Variants in MICB observed in about 807,000 individuals in gnomAD.
The protein encoded by MICB is MHC class I polypeptide-related sequence B.
Under a neutral mutation model 34.3 loss-of-function variants are expected in MICB, and 27 were observed. That is an observed-to-expected ratio of 0.79 (90% CI 0.58 to 1.08). The LOEUF (loss-of-function observed/expected upper bound fraction) is 1.08. Among genes scored for constraint, MICB ranks in the 50% least tolerant of loss-of-function variants. The pLI is 0.00. For missense variants in MICB, 426 were observed against 483.1 expected (o/e 0.88, Z 1.11); for synonymous variants, 153 against 187.4 (o/e 0.82, Z 1.50).
At chr6:31,504,254 C>CTTTTTTT (rs9281513) in intron 1 of MICB, among the ~76,000 whole-genome samples, 637 of 60,232 alleles carry the variant, frequency 0.011, 28 homozygotes, top group East Asian at 0.012. Context: ...CTCTCTTTTT[C>CTTTTTTT]TTTTTTTTTT....
At position 31,505,819 on chromosome 6, in the gene MICB, G is replaced by A; in HGVS notation, c.273G>A (p.Glu91=). The A allele has an allele frequency of 6.2e-7, 1 of 1,612,964 alleles. No homozygotes were observed. Among genetic ancestry groups the A allele is most frequent in the Non-Finnish European group, 8.5e-7 (1 of 1,179,852 alleles). Residue 91 remains glutamate (E), a synonymous_variant, in exon 2 of 6, where the codon GAG becomes GAA. Transcript: ENST00000252229. ...ACACAGAGACCGAGGACTTGACAGA[G>A]AATGGGCAAGACCTCAGGAGGACCC... ...TWDTETEDLT[E]NGQDLRRTLT...
rs1765256088 is a variant in MICB, at chr6:31,505,543, C to G, written c.71-74C>G. The G allele has an allele frequency of 1.9e-6, 3 of 1,582,916 alleles. No individual in the cohort carries two copies. In the African/African-American group the frequency reaches 4.0e-5, roughly 21 times the overall value. ...TGCCTCCTCAGGGAGGTCGGGACAG[C>G]AGACCTGTGTGTTAAACATCAATGT... On this transcript the variant is annotated intron_variant, in intron 1 of 5. Coordinates refer to ENST00000252229, the MANE Select transcript of MICB (RefSeq NM_005931.5).
rs1219467543 is a variant in MICB at position 31,507,203 on chromosome 6, G to A, written c.795G>A (p.Gln265=). 1 of 1,614,122 alleles carries A rather than the reference G, an allele frequency of 6.2e-7. No homozygotes were observed. The highest frequency in any genetic ancestry group is 2.2e-5 in the East Asian group (1 of 44,866). Residue 265 remains glutamine (Q), a synonymous_variant, in exon 4 of 6, where the codon CAG becomes CAA. Transcript: ENST00000252229. The surrounding 1 kb of genome is among the most constrained non-coding windows in gnomAD (Gnocchi z 6.0). The part of the protein sequence containing the change: ...DVLPDGNGTY[Q]TWVATRIRQG... ...TGCCTGATGGGAATGGAACCTACCA[G>A]ACCTGGGTGGCCACCAGGATTCGCC... is the stretch of plus-strand genomic sequence containing the variant.
At chr6:31,505,072 C>T (rs1321477278) in intron 1 of MICB, among the ~76,000 whole-genome samples, 2 of 152,104 alleles carry the variant, frequency 1.3e-5, no homozygotes, top group Non-Finnish European at 2.9e-5. Flanking sequence ...ATACTGACCC[C>T]ACTATAAACT....
Position 31,506,412 on chromosome 6 carries a change from G to A in MICB, c.595G>A (p.Val199Met). The A allele has an allele frequency of 2.5e-6, 4 of 1,614,060 alleles. No homozygotes were observed. The highest frequency in any genetic ancestry group is 2.5e-6 in the Non-Finnish European group (3 of 1,179,962). ...QKLQRYLKSG[V>M]AIRRTVPPMV... is the part of the protein sequence containing the mutation. ...ACTACAGCGATATCTGAAATCCGGG[G>A]TGGCCATCAGGAGAACAGGTACCGA... The change falls in exon 3 of 6, where the codon GTG (valine) becomes ATG (methionine). Residue 199 changes from valine (V) to methionine (M), a missense_variant. Transcript: ENST00000252229.
At chr6:31,495,631 T>G (rs2516409), upstream of MICB, among the ~76,000 whole-genome samples, 22,676 of 151,854 alleles carry the variant, frequency 0.15, 1,888 homozygotes, top group Admixed American at 0.24. Flanking sequence ...CAGGGATAGT[T>G]GAACTTAAAA....
At chr6:31,498,491 A>G (rs1440286574) in intron 1 of MICB, among the ~76,000 whole-genome samples, 1 of 104,720 alleles carries the variant, frequency 9.5e-6, no homozygotes, top group African/African-American at 3.8e-5. Flanking sequence ...TTTCTTTCTG[A>G]GACGGAGTCT....
At chr6:31,501,039 C>T (rs556857683) in intron 1 of MICB, among the ~76,000 whole-genome samples, 5 of 152,276 alleles carry the variant, frequency 3.3e-5, no homozygotes, top group South Asian at 4.2e-4. Flanking sequence ...TACTAGTTTA[C>T]GTTCCCACCA....
In MICB at chr6:31,498,170, T is replaced by A; in HGVS notation, c.-24T>A. 1.3e-6 allele frequency: 2 copies of A among 1,570,728 alleles called. No homozygotes were observed. The highest frequency in any genetic ancestry group is 1.7e-6 in the Non-Finnish European group (2 of 1,155,582). On this transcript the variant is annotated 5_prime_UTR_variant, in exon 1 of 6. Transcript: ENST00000252229. ...ATTCAGTTGGCCACTGCTGAGCAGC[T>A]GAGAAGGTGGCGACGTAGGGGCCAT...
upstream of MICB, among the ~76,000 whole-genome samples, chr6:31,496,468 C>T (rs764290064): frequency 2.6e-4 from 39 of 150,248 alleles, no homozygotes; most frequent in Middle Eastern, 6.9e-3. Context: ...CCGGGTTGAC[C>T]CCATTCTCCT....
Position 31,505,747 on chromosome 6 carries a change from GC to G in MICB, c.205del (p.Gln69ArgfsTer21), listed in dbSNP as rs45459705. The G allele has an allele frequency of 5.0e-4, 806 of 1,613,206 alleles. No homozygotes were observed. The highest frequency in any genetic ancestry group is 2.6e-3 in the Middle Eastern group (16 of 6,062). ...RYDRQKRRAK[P>X]QGQWAENVLG... is the part of the protein sequence containing the mutation. ...ATGACAGGCAGAAACGCAGGGCAAA[GC>G]CCCAGGGACAGTGGGCAGAAAATGT... On this transcript the variant is annotated frameshift_variant, in exon 2 of 6. Transcript: ENST00000252229. LOFTEE classifies it high-confidence loss of function.
intron 1 of MICB, among the ~76,000 whole-genome samples, chr6:31,503,994 G>T (rs939592332): frequency 1.0e-5 from 1 of 95,436 alleles, no homozygotes; most frequent in African/African-American, 4.5e-5. Context: ...TGTGATAATA[G>T]CCACCCTGAT....
At position 31,506,408 on chromosome 6, in the gene MICB, C is replaced by T. The variant is rs773259148; in HGVS notation, c.591C>T (p.Ser197=). Residue 197 remains serine (S), a synonymous_variant, in exon 3 of 6, where the codon TCC becomes TCT. Coordinates refer to ENST00000252229, the MANE Select transcript of MICB (RefSeq NM_005931.5). The part of the protein sequence containing the change: ...CLQKLQRYLK[S]GVAIRRTVPP... ...AGAAACTACAGCGATATCTGAAATC[C>T]GGGGTGGCCATCAGGAGAACAGGTA... The T allele has an allele frequency of 3.0e-5, 49 of 1,613,868 alleles. No homozygotes were observed. The Admixed American group carries it at 6.3e-4, about 21-fold the overall frequency.
intron 1 of MICB, among the ~76,000 whole-genome samples, chr6:31,505,027 T>C (rs1198869813): frequency 6.6e-6 from 1 of 152,136 alleles, no homozygotes; most frequent in African/African-American, 2.4e-5. Flanking sequence ...CTCTTCCACT[T>C]TGGACCCAAG....
intron 1 of MICB, 33 bp downstream of exon 1, chr6:31,498,296 C>T (rs774456363): frequency 6.6e-5 from 99 of 1,505,832 alleles, no homozygotes; most frequent in Non-Finnish European, 8.6e-5. Context: ...CCCGGCGGAG[C>T]GGGAGCGGCG....
intron 1 of MICB, among the ~76,000 whole-genome samples, chr6:31,498,480 T>C (rs1764812046): frequency 2.9e-5 from 2 of 69,686 alleles, no homozygotes; most frequent in Admixed American, 1.7e-4. Flanking sequence ...TTTTTTTTTT[T>C]TTTCTTTCTG....
upstream of MICB, chr6:31,497,987 C>G (rs1764758835): frequency 3.0e-6 from 1 of 338,706 alleles, no homozygotes; most frequent in Non-Finnish European, 5.5e-6. Context: ...CTAAATTTCC[C>G]CAGGTCTCCA....
In MICB at chr6:31,505,686, C is replaced by T; in HGVS notation, c.140C>T (p.Ala47Val). ...GGATCTGTGCAGTCAGGGTTTCTCG[C>T]TGAGGGACATCTGGATGGTCAGCCC... The part of the protein sequence containing the change: ...QDGSVQSGFL[A>V]EGHLDGQPFL... The change falls in exon 2 of 6, where the codon GCT becomes GTT. Residue 47 changes from alanine (A) to valine (V), a missense_variant. Physicochemically the swap from Ala to Val is moderately conservative, Grantham distance 64 (BLOSUM62 0). Transcript: ENST00000252229. The T allele has an allele frequency of 1.2e-6, 2 of 1,613,016 alleles. No individual in the cohort carries two copies. Among genetic ancestry groups the T allele is most frequent in the Non-Finnish European group, 1.7e-6 (2 of 1,180,006 alleles).
chr6:31,507,606 C>G lies in MICB; in HGVS notation c.1024+75C>G. 1 of 1,568,460 alleles carries G rather than the reference C, an allele frequency of 6.4e-7. No homozygotes were observed. The highest frequency in any genetic ancestry group is 2.2e-5 in the East Asian group (1 of 44,666). Reference sequence around the variant, plus strand: ...GTAGGGTCTCCTCATTGCTCCTGCCCAGACAAGACGTAGGTGACAAGGCTG... The same window carrying G: ...GTAGGGTCTCCTCATTGCTCCTGCCGAGACAAGACGTAGGTGACAAGGCTG... On this transcript the variant is annotated intron_variant, in intron 5 of 5. Coordinates refer to ENST00000252229, the MANE Select transcript of MICB (RefSeq NM_005931.5). The surrounding 1 kb of genome is among the most constrained non-coding windows in gnomAD (Gnocchi z 6.0).
Sources: allele counts gnomAD v4.1 joint callset (sites outside exome capture counted in the v4.1 genomes callset), GRCh38; gene constraint gnomAD v4.1.1; non-coding constraint Gnocchi (gnomAD v3.1); transcripts MANE v1.5; gene names NCBI Gene and HGNC (gene_info 2026-07-23, HGNC 2026-07-21).